The following CNTN4 variants were observed in gnomAD, a reference collection of about 807,000 sequenced individuals.
CNTN4 encodes the protein contactin-4.
In CNTN4, 77 loss-of-function variants were observed where a neutral mutation model predicts 122.5. The ratio of observed to expected loss-of-function variants is 0.63; its 90% CI spans 0.52 to 0.76. The LOEUF (loss-of-function observed/expected upper bound fraction) is 0.76. Among genes scored for constraint, CNTN4 ranks in the 30% least tolerant of loss-of-function variants. The pLI is 0.00. For missense variants in CNTN4, 1,256 were observed against 1,259.1 expected (o/e 1.00, Z 0.04); for synonymous variants, 512 against 447.0 (o/e 1.15, Z -1.83).
At chr3:2,254,659 CAT>C (rs1321109339) in intron 2 of CNTN4, among the ~76,000 whole-genome samples, 4 of 152,240 alleles carry the variant, frequency 2.6e-5, no homozygotes, top group Non-Finnish European at 4.4e-5. Context: ...AGCGTTTTTT[CAT>C]ATGTTTCTTG....
chr3:2,288,610 G>C (rs972196740), intron 2 of CNTN4, among the ~76,000 whole-genome samples: 2 of 151,936 alleles, frequency 1.3e-5, no homozygotes, highest in Non-Finnish European at 2.9e-5. Context: ...CAAAGAAATT[G>C]GGAAAGATTG....
At chr3:2,152,415 T>G (rs72622121) in intron 2 of CNTN4, among the ~76,000 whole-genome samples, 6,131 of 152,062 alleles carry the variant, frequency 0.04, 324 homozygotes, top group East Asian at 0.26. Flanking sequence ...GGGTCTAGAC[T>G]GGGGAGGGGT....
chr3:2,110,986 A>C (rs1179089063), intron 2 of CNTN4, among the ~76,000 whole-genome samples: 2 of 152,206 alleles, frequency 1.3e-5, no homozygotes, highest in Non-Finnish European at 2.9e-5. Context: ...GTAGTACAAT[A>C]AACTTCATTC....
At chr3:2,150,816 C>T (rs552365156) in intron 2 of CNTN4, among the ~76,000 whole-genome samples, 5 of 152,214 alleles carry the variant, frequency 3.3e-5, no homozygotes, top group East Asian at 1.9e-4. Flanking sequence ...CTCATGTTCC[C>T]TCTGTTTAAT....
chr3:2,209,070 A>G (rs182568922), intron 2 of CNTN4, among the ~76,000 whole-genome samples: 756 of 152,282 alleles, frequency 5.0e-3, no homozygotes, highest in Non-Finnish European at 6.6e-3. Flanking sequence ...TAGCCTGGGT[A>G]GGCTAAATGC....
At chr3:2,581,205 C>T (rs2079922260) in intron 4 of CNTN4, among the ~76,000 whole-genome samples, 1 of 152,066 alleles carries the variant, frequency 6.6e-6, no homozygotes, top group Non-Finnish European at 1.5e-5. Context: ...CTCAATCTTA[C>T]CAGCCTGGGT....
In CNTN4 at chr3:2,706,232, T is replaced by C. The variant is rs536682934; in HGVS notation, c.56-29983T>C. On this transcript the variant is annotated intron_variant, in intron 4 of 24. Transcript: ENST00000418658. ...ATAATGCCTGGACATCACAATAGAA[T>C]GTATTTTGTGTTAATACATTCTGTG... 5.3e-5 allele frequency among the ~76,000 whole-genome samples: 8 copies of C among 152,048 alleles called. 1 individual carries two copies. The highest frequency in any genetic ancestry group is 1.3e-4 in the Admixed American group (2 of 15,248).
intron 2 of CNTN4, among the ~76,000 whole-genome samples, chr3:2,241,831 A>G (rs2039954261): frequency 6.6e-6 from 1 of 152,308 alleles, no homozygotes; most frequent in South Asian, 2.1e-4. Context: ...AAGGTAATAC[A>G]AGTCTAGGCT....
At chr3:2,388,272 A>C (rs971006425) in intron 3 of CNTN4, among the ~76,000 whole-genome samples, 1 of 152,166 alleles carries the variant, frequency 6.6e-6, no homozygotes, top group African/African-American at 2.4e-5. Context: ...TCTGTTTCTC[A>C]TAATTTAAAT....
At chr3:2,439,231 A>G (rs1042110837) in intron 3 of CNTN4, among the ~76,000 whole-genome samples, 4 of 152,162 alleles carry the variant, frequency 2.6e-5, no homozygotes, top group African/African-American at 9.7e-5. Context: ...ACACCACCTG[A>G]TAACTTGTAA....
intron 3 of CNTN4, among the ~76,000 whole-genome samples, chr3:2,380,748 A>C (rs1427639483): frequency 1.3e-5 from 2 of 151,892 alleles, no homozygotes; most frequent in African/African-American, 4.8e-5. Context: ...AGAACGAATA[A>C]CTTATTCTCT....
intron 2 of CNTN4, among the ~76,000 whole-genome samples, chr3:2,120,378 T>TAA (rs2033658235): frequency 6.7e-5 from 2 of 29,910 alleles, no homozygotes; most frequent in East Asian, 1.5e-3. Context: ...TATATAAATA[T>TAA]ATATATATAT....
At chr3:2,636,892 T>C (rs2150082520) in intron 4 of CNTN4, among the ~76,000 whole-genome samples, 1 of 151,538 alleles carries the variant, frequency 6.6e-6, no homozygotes, top group East Asian at 1.9e-4. Context: ...GTGCATAGTT[T>C]CCATTTTCTT....
chr3:2,621,293 C>T (rs2081980245), intron 4 of CNTN4, among the ~76,000 whole-genome samples: 2 of 152,222 alleles, frequency 1.3e-5, no homozygotes, highest in African/African-American at 2.4e-5. Flanking sequence ...GCCTATGCTC[C>T]TTTCCACAAG....
At chr3:2,359,644 A>C (rs1346871082) in intron 3 of CNTN4, among the ~76,000 whole-genome samples, 1 of 152,092 alleles carries the variant, frequency 6.6e-6, no homozygotes, top group African/African-American at 2.4e-5. Flanking sequence ...AATTCACGCC[A>C]TTCTCCTGAC....
intron 3 of CNTN4, among the ~76,000 whole-genome samples, chr3:2,527,604 T>C (rs1211228933): frequency 6.6e-6 from 1 of 151,218 alleles, no homozygotes; most frequent in Admixed American, 6.6e-5. Flanking sequence ...CCTTGCTTCA[T>C]CCGTAAAGCA....
intron 8 of CNTN4, among the ~76,000 whole-genome samples, chr3:2,868,402 T>C (rs1279739536): frequency 6.6e-6 from 1 of 152,180 alleles, no homozygotes; most frequent in African/African-American, 2.4e-5. Flanking sequence ...ACACCTCTTA[T>C]CTGAATTTAT....
chr3:2,722,348 T>C (rs1025492504), intron 4 of CNTN4, among the ~76,000 whole-genome samples: 3 of 152,184 alleles, frequency 2.0e-5, no homozygotes, highest in African/African-American at 7.2e-5. Context: ...CAGTAAATAC[T>C]TGTTGAATGA....
At chr3:2,407,571 G>A (rs2047083670) in intron 3 of CNTN4, among the ~76,000 whole-genome samples, 1 of 152,156 alleles carries the variant, frequency 6.6e-6, no homozygotes, top group South Asian at 2.1e-4. Context: ...TGGGTGTTGT[G>A]TCTGTATTTT....
Sources: gnomAD v4.1 joint callset for allele counts (sites outside exome capture counted in the v4.1 genomes callset) on GRCh38, gnomAD v4.1.1 for gene constraint, MANE v1.5 for transcripts, NCBI Gene and HGNC (gene_info 2026-07-23, HGNC 2026-07-21) for gene names.